EEIG1: variants seen among roughly 807,000 people sequenced by gnomAD.
The protein encoded by EEIG1 is early estrogen-induced gene 1 protein.
chr9:127,973,595 A>G, the EEIG1 span, among the ~76,000 whole-genome samples: 1 of 152,330 alleles, frequency 6.6e-6, no homozygotes, highest in African/African-American at 2.4e-5. This position sits in a 1 kb window ranked among gnomAD's most constrained non-coding sequence, Gnocchi z 4.2. Flanking sequence ...AGGTCCAAGG[A>G]GCAGACACCA....
At chr9:127,970,305 G>A in the EEIG1 span, among the ~76,000 whole-genome samples, 1 of 152,100 alleles carries the variant, frequency 6.6e-6, no homozygotes, top group Non-Finnish European at 1.5e-5. Context: ...TTTTAGTAGA[G>A]ACGGGGTTTC....
the EEIG1 span, chr9:127,953,698 G>A: frequency 1.2e-6 from 2 of 1,603,378 alleles, no homozygotes; most frequent in East Asian, 2.2e-5. Context: ...GAGGGGAGGA[G>A]GGCAACGGGC....
chr9:127,944,496 C>G, the EEIG1 span: 1 of 725,930 alleles, frequency 1.4e-6, no homozygotes, highest in Non-Finnish European at 2.4e-6. Context: ...ATGACAGGCC[C>G]AGGGTCACAC....
chr9:127,946,417 C>T, the EEIG1 span, among the ~76,000 whole-genome samples: 4 of 152,242 alleles, frequency 2.6e-5, no homozygotes, highest in Non-Finnish European at 1.5e-5. Flanking sequence ...TGAGTATCCA[C>T]CTGCCTTCCC....
At chr9:127,945,483 G>A in the EEIG1 span, 9 of 1,567,082 alleles carry the variant, frequency 5.7e-6, no homozygotes, top group East Asian at 1.4e-4. The surrounding 1 kb of genome is among the most constrained non-coding windows in gnomAD (Gnocchi z 6.5). Context: ...GGCCCCCAGA[G>A]GCGCTGCTGC....
the EEIG1 span, among the ~76,000 whole-genome samples, chr9:127,973,433 G>A: frequency 1.4e-4 from 22 of 152,198 alleles, no homozygotes; most frequent in African/African-American, 4.3e-4. The surrounding 1 kb of genome is among the most constrained non-coding windows in gnomAD (Gnocchi z 4.2). Flanking sequence ...CTCCCAGGAC[G>A]GAGCTTGAAG....
chr9:127,943,295 CA>C, the EEIG1 span: 1 of 1,545,722 alleles, frequency 6.5e-7, no homozygotes, highest in Non-Finnish European at 8.9e-7. Context: ...CTGAGCGCTC[CA>C]CTGGACCAGG....
the EEIG1 span, among the ~76,000 whole-genome samples, chr9:127,958,770 G>A: frequency 6.6e-6 from 1 of 152,038 alleles, no homozygotes; most frequent in African/African-American, 2.4e-5. Flanking sequence ...AAAAATACTT[G>A]CAAATCAGAT....
chr9:127,946,930 A>G, the EEIG1 span, among the ~76,000 whole-genome samples: 1 of 152,136 alleles, frequency 6.6e-6, no homozygotes, highest in African/African-American at 2.4e-5. Context: ...GCCTGGAGGC[A>G]GTCCAAGGCT....
chr9:127,950,566 G>A, the EEIG1 span: 5 of 1,609,172 alleles, frequency 3.1e-6, no homozygotes, highest in Non-Finnish European at 4.2e-6. Flanking sequence ...GCGTGTGGGA[G>A]GGCTGAGGGA....
At chr9:127,970,725 T>A in the EEIG1 span, among the ~76,000 whole-genome samples, 1 of 151,108 alleles carries the variant, frequency 6.6e-6, no homozygotes, top group African/African-American at 2.4e-5. Flanking sequence ...TCCAAACCCC[T>A]CCCCTTGACT....
chr9:127,949,908 G>C, the EEIG1 span, among the ~76,000 whole-genome samples: 2 of 152,222 alleles, frequency 1.3e-5, no homozygotes, highest in Non-Finnish European at 2.9e-5. Context: ...GCCCTCAGCA[G>C]CCATCATTTT....
At chr9:127,946,955 C>A in the EEIG1 span, among the ~76,000 whole-genome samples, 1 of 152,212 alleles carries the variant, frequency 6.6e-6, no homozygotes, top group South Asian at 2.1e-4. Context: ...CCTCTGGGGG[C>A]CCTGCTTAGG....
the EEIG1 span, among the ~76,000 whole-genome samples, chr9:127,977,257 T>A: frequency 6.6e-6 from 1 of 152,222 alleles, no homozygotes; most frequent in African/African-American, 2.4e-5. Flanking sequence ...GGGAAATGCT[T>A]TGGGCTTAGC....
the EEIG1 span, among the ~76,000 whole-genome samples, chr9:127,973,623 G>A: frequency 2.5e-4 from 38 of 152,214 alleles, no homozygotes; most frequent in Non-Finnish European, 3.5e-4. This position sits in a 1 kb window ranked among gnomAD's most constrained non-coding sequence, Gnocchi z 4.2. Context: ...GCACAGTCAC[G>A]GCAGCTTCAG....
chr9:127,961,582 A>G, the EEIG1 span, among the ~76,000 whole-genome samples: 4 of 152,190 alleles, frequency 2.6e-5, no homozygotes, highest in African/African-American at 4.8e-5. Flanking sequence ...AGGGGCTTAT[A>G]CTCTGGCAGT....
chr9:127,950,505 G>A, the EEIG1 span: 2 of 1,613,716 alleles, frequency 1.2e-6, no homozygotes, highest in Non-Finnish European at 1.7e-6. Context: ...GCCCGAGCCC[G>A]CAAACTCGGC....
chr9:127,945,288 T>G, the EEIG1 span: 2 of 1,166,022 alleles, frequency 1.7e-6, no homozygotes, highest in Non-Finnish European at 1.2e-6. This position sits in a 1 kb window ranked among gnomAD's most constrained non-coding sequence, Gnocchi z 6.5. Context: ...GGTCCCTGTG[T>G]TATAGGTAAA....
the EEIG1 span, among the ~76,000 whole-genome samples, chr9:127,946,988 T>C: frequency 1.3e-5 from 2 of 151,848 alleles, no homozygotes; most frequent in Non-Finnish European, 2.9e-5. Context: ...CAGCAAACAC[T>C]TGGGGGCAGG....
Sources: gnomAD v4.1 joint callset for allele counts (sites outside exome capture counted in the v4.1 genomes callset) on GRCh38, gnomAD v4.1.1 for gene constraint, Gnocchi (gnomAD v3.1) non-coding constraint, MANE v1.5 for transcripts, NCBI Gene and HGNC (gene_info 2026-07-23, HGNC 2026-07-21) for gene names.